RNF216: variants seen among roughly 807,000 people sequenced by gnomAD.
RNF216 encodes ring finger protein 216.
Under a neutral mutation model 110.8 loss-of-function variants are expected in RNF216, and 72 were observed. That is an observed-to-expected ratio of 0.65 (90% CI 0.54 to 0.79). RNF216 has a LOEUF of 0.79. Among genes scored for constraint, RNF216 ranks in the 30% least tolerant of loss-of-function variants. RNF216 has a pLI of 0.00. For missense variants in RNF216, 1,342 were observed against 1,141.2 expected (o/e 1.18, Z -2.54); for synonymous variants, 495 against 407.5 (o/e 1.21, Z -2.59).
At chr7:5,659,764 C>T (rs1788983416) in intron 13 of RNF216, among the ~76,000 whole-genome samples, 1 of 152,102 alleles carries the variant, frequency 6.6e-6, no homozygotes, top group African/African-American at 2.4e-5. Flanking sequence ...AATAAGGGCA[C>T]AGCTTACTTC....
chr7:5,625,434 A>G (rs1416022998), intron 15 of RNF216, among the ~76,000 whole-genome samples: 3 of 152,176 alleles, frequency 2.0e-5, no homozygotes, highest in African/African-American at 7.2e-5. Flanking sequence ...AATAATGATC[A>G]GTTTGGATTT....
intron 13 of RNF216, among the ~76,000 whole-genome samples, chr7:5,685,193 G>T (rs571733272): frequency 3.3e-5 from 5 of 152,178 alleles, no homozygotes; most frequent in African/African-American, 1.2e-4. Context: ...TGTCCACCAC[G>T]GATGGGTGGG....
chr7:5,755,286 A>G (rs1276065349), intron 2 of RNF216, among the ~76,000 whole-genome samples: 4 of 152,192 alleles, frequency 2.6e-5, no homozygotes, highest in Admixed American at 6.5e-5. Context: ...ACCTTATAAT[A>G]AAGTCCAGTG....
intron 4 of RNF216, 162 bp from the exon 5 acceptor site, chr7:5,739,514 T>G (rs1481722091): frequency 2.7e-6 from 2 of 729,528 alleles, no homozygotes; most frequent in Non-Finnish European, 4.9e-6. Context: ...GTTCCCAGAT[T>G]CATCTGTCTA....
At chr7:5,763,963 C>A (rs1430495517) in intron 1 of RNF216, among the ~76,000 whole-genome samples, 1 of 152,022 alleles carries the variant, frequency 6.6e-6, no homozygotes, top group Non-Finnish European at 1.5e-5. Flanking sequence ...CCGAGGCAGG[C>A]GGATCACTCG....
chr7:5,628,619 C>CT (rs1786864968), intron 15 of RNF216, among the ~76,000 whole-genome samples: 1 of 151,966 alleles, frequency 6.6e-6, no homozygotes, highest in Admixed American at 6.6e-5. Flanking sequence ...ACCTCCTGGG[C>CT]TCAAGAGATC....
intron 15 of RNF216, among the ~76,000 whole-genome samples, chr7:5,640,834 A>G (rs1460152376): frequency 6.6e-6 from 1 of 152,188 alleles, no homozygotes; most frequent in Non-Finnish European, 1.5e-5. Flanking sequence ...CAGGCTTTGG[A>G]ATCAGCGTTA....
rs544630769 is a variant in RNF216, at chr7:5,639,393, C to T, written c.2382+1761G>A. ...TCTGTACTTACACATAGAGGAGAAACACACTTCTGTTTTCCTTTTTTTTTG... is the reference window on the plus strand; with the variant it reads ...TCTGTACTTACACATAGAGGAGAAATACACTTCTGTTTTCCTTTTTTTTTG... On this transcript the variant is annotated intron_variant, in intron 15 of 16. Coordinates refer to ENST00000389902, the MANE Select transcript of RNF216 (RefSeq NM_207111.4). 5.9e-5 allele frequency among the ~76,000 whole-genome samples: 9 copies of T among 152,204 alleles called. No individual in the cohort carries two copies. The South Asian group carries it at 1.9e-3, about 32-fold the overall frequency.
intron 13 of RNF216, among the ~76,000 whole-genome samples, chr7:5,679,926 A>G (rs852397): frequency 0.18 from 28,080 of 152,080 alleles, 4,714 homozygotes; most frequent in African/African-American, 0.45. Context: ...GCTTTAAGAA[A>G]CACAATAGGG....
intron 14 of RNF216, among the ~76,000 whole-genome samples, chr7:5,641,738 A>C (rs1787744762): frequency 6.6e-6 from 1 of 152,158 alleles, no homozygotes; most frequent in Non-Finnish European, 1.5e-5. Flanking sequence ...CTGTAGGCTT[A>C]AAATGGAGAG....
intron 13 of RNF216, among the ~76,000 whole-genome samples, chr7:5,657,489 C>A (rs1367362818): frequency 1.3e-5 from 2 of 152,138 alleles, no homozygotes; most frequent in Admixed American, 6.5e-5. Flanking sequence ...ATAGCTTGAA[C>A]CCAGGAGGTA....
chr7:5,773,084 G>C (rs1796584121), intron 1 of RNF216, among the ~76,000 whole-genome samples: 1 of 151,972 alleles, frequency 6.6e-6, no homozygotes, highest in South Asian at 2.1e-4. Flanking sequence ...CTGGCCCCAG[G>C]TATTCCCACT....
Position 5,696,164 on chromosome 7 carries a change from T to G in RNF216, c.2061+15597A>C, listed in dbSNP as rs1208942930. Among the ~76,000 whole-genome samples the G allele has an allele frequency of 6.6e-6, 1 of 152,104 alleles. No individual in the cohort carries two copies. The highest frequency in any genetic ancestry group is 1.5e-5 in the Non-Finnish European group (1 of 68,018). On this transcript the variant is annotated intron_variant, in intron 13 of 16. Transcript: ENST00000389902. This position sits in a 1 kb window ranked among gnomAD's most constrained non-coding sequence, Gnocchi z 5.4. Reference sequence around the variant, plus strand: ...ACACTGACATCCACAGTCCATGTGGTGACGAAGAGCAGTTGGTACCGCATG... The same window carrying G: ...ACACTGACATCCACAGTCCATGTGGGGACGAAGAGCAGTTGGTACCGCATG...
intron 2 of RNF216, among the ~76,000 whole-genome samples, chr7:5,753,998 T>A (rs2128664993): frequency 6.6e-6 from 1 of 151,990 alleles, no homozygotes; most frequent in Non-Finnish European, 1.5e-5. Context: ...CCATCTCAAA[T>A]TTTAAAAAAA....
chr7:5,757,557 T>C (rs999187622), intron 2 of RNF216, among the ~76,000 whole-genome samples: 4 of 152,134 alleles, frequency 2.6e-5, no homozygotes, highest in African/African-American at 9.7e-5. Context: ...TATTTAGCAA[T>C]TAAAAAGGAA....
chr7:5,735,129 G>C (rs1794319596), intron 5 of RNF216, among the ~76,000 whole-genome samples: 1 of 152,120 alleles, frequency 6.6e-6, no homozygotes, highest in Non-Finnish European at 1.5e-5. Flanking sequence ...CTGGGCAAGA[G>C]AGTGAGACTT....
At chr7:5,710,976 A>G (rs1158347213) in intron 13 of RNF216, among the ~76,000 whole-genome samples, 1 of 152,226 alleles carries the variant, frequency 6.6e-6, no homozygotes, top group Non-Finnish European at 1.5e-5. Flanking sequence ...CAAAAGAAAT[A>G]AAGTTTTGAT....
chr7:5,735,865 C>A (rs531637168), intron 5 of RNF216, among the ~76,000 whole-genome samples: 3 of 152,250 alleles, frequency 2.0e-5, no homozygotes, highest in Middle Eastern at 6.8e-3. Context: ...GAGGCCGAGG[C>A]AGATGGATCA....
At chr7:5,746,143 G>A (rs558145274) in intron 3 of RNF216, among the ~76,000 whole-genome samples, 2 of 152,304 alleles carry the variant, frequency 1.3e-5, no homozygotes, top group South Asian at 2.1e-4. Context: ...GGAGCTGCAA[G>A]TGTCGGAAGT....
Sources: allele counts gnomAD v4.1 joint callset (sites outside exome capture counted in the v4.1 genomes callset), GRCh38; gene constraint gnomAD v4.1.1; non-coding constraint Gnocchi (gnomAD v3.1); transcripts MANE v1.5; gene names NCBI Gene and HGNC (gene_info 2026-07-23, HGNC 2026-07-21).